Variants in B4GALNT2 observed in about 807,000 individuals in gnomAD.
The protein encoded by B4GALNT2 is beta-1,4-N-acetyl-galactosaminyltransferase 2 (SID blood group).
B4GALNT2 carries 42 observed loss-of-function variants against 51.1 expected under a neutral mutation model. That is an observed-to-expected ratio of 0.82 (90% CI 0.64 to 1.06). The LOEUF is 1.06. Ranked by LOEUF, B4GALNT2 falls within the 50% of genes least tolerant of loss-of-function variation. The pLI is 0.00. For synonymous variants in B4GALNT2, 253 were observed against 251.7 expected, an observed-to-expected ratio of 1.01 and a Z score of -0.05; for missense variants, 602 against 633.6, an observed-to-expected ratio of 0.95 and a Z score of 0.54.
upstream of B4GALNT2, among the ~76,000 whole-genome samples, chr17:49,131,458 C>A (rs1373953106): frequency 2.4e-5 from 2 of 83,620 alleles, no homozygotes; most frequent in East Asian, 4.8e-4. Flanking sequence ...CTTTCCCAGA[C>A]TCCGAAAAAA....
intron 1 of B4GALNT2, among the ~76,000 whole-genome samples, chr17:49,138,282 G>T (rs1410638691): frequency 1.3e-5 from 2 of 152,148 alleles, no homozygotes; most frequent in African/African-American, 4.8e-5. Flanking sequence ...TAAAAACCAA[G>T]AATCTTTTGC....
At position 49,175,238 on chromosome 17, in the gene B4GALNT2, T is replaced by C. The variant is rs996984988; in HGVS notation, c.*5510T>C. On this transcript the variant is annotated 3_prime_UTR_variant, in exon 11 of 11. Transcript: ENST00000393354. Reference sequence around the variant, plus strand: ...GAATAGTTATTTCACAGGTAGGATGTTTATCAGTAATTTGATTCACCCAAT... The same window carrying C: ...GAATAGTTATTTCACAGGTAGGATGCTTATCAGTAATTTGATTCACCCAAT... 6.6e-6 allele frequency: 1 copy of C among 152,192 alleles called. No homozygotes were observed. Among genetic ancestry groups the C allele is most frequent in the Admixed American group, 6.5e-5 (1 of 15,276 alleles). 9.4% of individuals were successfully genotyped at this position (152,192 alleles called of 1,614,324 possible).
intron 3 of B4GALNT2, 52 bp from the exon 4 acceptor site, chr17:49,152,748 C>A (rs2144310332): frequency 7.5e-7 from 1 of 1,329,530 alleles, no homozygotes; most frequent in Non-Finnish European, 1.0e-6. Context: ...TGAGAACGAA[C>A]CAGGGACCAG....
intron 6 of B4GALNT2, 54 bp from the exon 7 acceptor site, chr17:49,160,501 G>A (rs2042853329): frequency 7.1e-6 from 11 of 1,541,476 alleles, no homozygotes; most frequent in African/African-American, 1.4e-5. Flanking sequence ...GGGTGGCATG[G>A]AGTTTAATCC....
At position 49,171,176 on chromosome 17, in the gene B4GALNT2, A is replaced by G. The variant is rs568783046; in HGVS notation, c.*1448A>G. 8.7e-4 allele frequency: 191 copies of G among 219,680 alleles called. No homozygotes were observed. Among genetic ancestry groups the G allele is most frequent in the Non-Finnish European group, 1.3e-3 (138 of 109,636 alleles). 13.6% of individuals were successfully genotyped at this position (219,680 alleles called of 1,614,324 possible). ...ACACGTTCCCCTTTTTGTTTTCCAA[A>G]GTGATAAAAGCAAAGGCAGCTTTGT... On this transcript the variant is annotated 3_prime_UTR_variant, in exon 11 of 11. Coordinates refer to ENST00000393354, the MANE Select transcript of B4GALNT2 (RefSeq NM_001159387.2).
chr17:49,142,286 G>C (rs750457476), intron 3 of B4GALNT2, 114 bp downstream of exon 3: 70 of 1,337,004 alleles, frequency 5.2e-5, no homozygotes, highest in Non-Finnish European at 7.0e-5. Flanking sequence ...CTCTTGCAAG[G>C]GTCCCTGGGA....
At position 49,171,155 on chromosome 17, in the gene B4GALNT2, G is replaced by A. The variant is rs937502689; in HGVS notation, c.*1427G>A. ...AGATTTGGGGGCCTGTTCCCAACAC[G>A]TTCCCCTTTTTGTTTTCCAAAGTGA... On this transcript the variant is annotated 3_prime_UTR_variant, in exon 11 of 11. Transcript: ENST00000393354. The A allele has an allele frequency of 5.7e-5, 13 of 228,950 alleles. No individual in the cohort carries two copies. Among genetic ancestry groups the A allele is most frequent in the African/African-American group, 1.4e-4 (6 of 41,998 alleles). 14.2% of individuals were successfully genotyped at this position (228,950 alleles called of 1,614,324 possible). A position where few individuals can be genotyped will look rare whatever the true frequency, so the allele number is the denominator to read the frequency against.
At chr17:49,145,730 C>T (rs2042688957) in intron 3 of B4GALNT2, among the ~76,000 whole-genome samples, 1 of 152,138 alleles carries the variant, frequency 6.6e-6, no homozygotes. Context: ...AAGAGACACC[C>T]TAATGGATCT....
chr17:49,169,250 C>T (rs1376728153), intron 10 of B4GALNT2, among the ~76,000 whole-genome samples: 1 of 152,168 alleles, frequency 6.6e-6, no homozygotes, highest in Admixed American at 6.5e-5. Context: ...TCCATCAGCC[C>T]TGGAGTCCGC....
intron 1 of B4GALNT2, among the ~76,000 whole-genome samples, chr17:49,134,251 T>A (rs1385467455): frequency 6.6e-6 from 1 of 152,242 alleles, no homozygotes; most frequent in Non-Finnish European, 1.5e-5. Context: ...TACATATTCA[T>A]GAGGTACATA....
In B4GALNT2 at chr17:49,170,653, C is replaced by G. The variant is rs2042952122; in HGVS notation, c.*925C>G. The stretch of plus-strand genomic sequence containing the variant: ...CCTGGGGGTTGGCAGATTGCCGAGA[C>G]CAGCTTGGTCATGGAGACCCTAACC... On this transcript the variant is annotated 3_prime_UTR_variant, in exon 11 of 11. Coordinates refer to ENST00000393354, the MANE Select transcript of B4GALNT2 (RefSeq NM_001159387.2). 1 of 152,232 alleles carries G rather than the reference C, an allele frequency of 6.6e-6. No individual in the cohort carries two copies. Among genetic ancestry groups the G allele is most frequent in the Admixed American group, 6.5e-5 (1 of 15,272 alleles). The allele number at this position is 152,232 out of a possible 1,614,324, so 9.4% of individuals were successfully genotyped here. A position where few individuals can be genotyped will look rare whatever the true frequency, so the allele number is the denominator to read the frequency against.
the B4GALNT2 span, among the ~76,000 whole-genome samples, chr17:49,126,969 G>A: frequency 2.6e-5 from 4 of 152,322 alleles, no homozygotes; most frequent in African/African-American, 9.6e-5. Context: ...CTCCCAAAGT[G>A]CTGGGATTAC....
chr17:49,158,994 T>C, intron 5 of B4GALNT2, 43 bp from the exon 6 acceptor site: 1 of 1,591,750 alleles, frequency 6.3e-7, no homozygotes, highest in South Asian at 1.1e-5. Context: ...GGAGATATTT[T>C]CCAATCCCTG....
rs1221843455 is a variant in B4GALNT2, at chr17:49,176,350, G to A, written c.*6622G>A. On this transcript the variant is annotated 3_prime_UTR_variant, in exon 11 of 11. Transcript: ENST00000393354. The stretch of plus-strand genomic sequence containing the variant: ...GCCCCGAACAGAGTTTGACTCACAT[G>A]TTTATTGACAGCAAGCCAGTGATAA... 2 of 152,220 alleles carry A rather than the reference G, an allele frequency of 1.3e-5. No homozygotes were observed. The highest frequency in any genetic ancestry group is 4.8e-5 in the African/African-American group (2 of 41,442). 9.4% of individuals were successfully genotyped at this position (152,220 alleles called of 1,614,324 possible).
At chr17:49,156,641 C>T (rs1314887990) in intron 5 of B4GALNT2, 38 bp downstream of exon 5, 1 of 1,605,408 alleles carries the variant, frequency 6.2e-7, no homozygotes. Context: ...CACTTGGTGT[C>T]CTGTCCTCAT....
chr17:49,159,123 G>A lies in B4GALNT2; in HGVS notation c.585G>A (p.Leu195=), dbSNP rs753267089. The A allele has an allele frequency of 9.9e-6, 16 of 1,614,078 alleles. No individual in the cohort carries two copies. The East Asian group carries it at 3.1e-4, about 31-fold the overall frequency. Residue 195 remains leucine (L), a synonymous_variant, in exon 6 of 11, where the codon CTG becomes CTA. Transcript: ENST00000393354. ...TGCAGGGCAGAGGCCAGAAGCAGCT[G>A]ATCATTTCTACCAGTGACCGGAAGC... ...SVVQGRGQKQ[L]IISTSDRKLL...
the B4GALNT2 span, among the ~76,000 whole-genome samples, chr17:49,120,503 T>C: frequency 5.3e-5 from 8 of 151,518 alleles, no homozygotes; most frequent in Non-Finnish European, 7.4e-5. Flanking sequence ...TGTGTGTGTG[T>C]GTGTGTGTGT....
intron 1 of B4GALNT2, among the ~76,000 whole-genome samples, chr17:49,137,316 C>T (rs1448214076): frequency 6.6e-6 from 1 of 152,186 alleles, no homozygotes; most frequent in Non-Finnish European, 1.5e-5. Flanking sequence ...CGGAAGGGCT[C>T]TGCGCTCATG....
At chr17:49,138,736 G>T (rs1430809604) in intron 1 of B4GALNT2, among the ~76,000 whole-genome samples, 3 of 152,154 alleles carry the variant, frequency 2.0e-5, no homozygotes, top group Non-Finnish European at 4.4e-5. Flanking sequence ...GAATAGCCGG[G>T]TGTGGTGGTG....
Sources: allele counts gnomAD v4.1 joint callset (sites outside exome capture counted in the v4.1 genomes callset), GRCh38; gene constraint gnomAD v4.1.1; transcripts MANE v1.5; gene names NCBI Gene and HGNC (gene_info 2026-07-23, HGNC 2026-07-21).